Variants in SENP5 observed in about 807,000 individuals in gnomAD.
The protein encoded by SENP5 is sentrin-specific protease 5.
SENP5 carries 21 observed loss-of-function variants against 74.2 expected under a neutral mutation model. That is an observed-to-expected ratio of 0.28 (90% confidence interval 0.20 to 0.41). The LOEUF (loss-of-function observed/expected upper bound fraction) is 0.41. SENP5 is among the 10% of genes least tolerant of loss of function. The pLI, the probability that SENP5 is intolerant of heterozygous loss-of-function variation, is 1.00. For missense variants in SENP5, 717 were observed against 889.1 expected, an observed-to-expected ratio of 0.81 and a Z score of 2.46; for synonymous variants, 311 against 312.7, an observed-to-expected ratio of 0.99 and a Z score of 0.06.
intron 7 of SENP5, among the ~76,000 whole-genome samples, chr3:196,924,318 G>A (rs1322703098): frequency 6.6e-6 from 1 of 152,060 alleles, no homozygotes; most frequent in African/African-American, 2.4e-5. Flanking sequence ...CAACAGACTT[G>A]GAGAAAATAT....
At chr3:196,872,782 A>G (rs1713271868) in intron 1 of SENP5, among the ~76,000 whole-genome samples, 1 of 152,212 alleles carries the variant, frequency 6.6e-6, no homozygotes, top group Non-Finnish European at 1.5e-5. Flanking sequence ...ACATTTGCCC[A>G]GAGGCTACCG....
intron 5 of SENP5, among the ~76,000 whole-genome samples, chr3:196,901,531 A>C (rs552763039): frequency 6.6e-6 from 1 of 152,286 alleles, no homozygotes; most frequent in East Asian, 1.9e-4. Context: ...TATTTTTCTG[A>C]GTACACAAAT....
intron 5 of SENP5, among the ~76,000 whole-genome samples, 184 bp from the exon 6 acceptor site, chr3:196,903,349 A>T (rs1048642321): frequency 6.6e-6 from 1 of 152,230 alleles, no homozygotes; most frequent in African/African-American, 2.4e-5. Flanking sequence ...CATGTTGGCC[A>T]GGCTGGCCTC....
intron 2 of SENP5, among the ~76,000 whole-genome samples, chr3:196,888,525 AGT>A (rs1714070674): frequency 6.6e-6 from 1 of 151,972 alleles, no homozygotes; most frequent in Admixed American, 6.6e-5. Context: ...CGGAGGTTGC[AGT>A]GAGCTTAGGT....
intron 2 of SENP5, among the ~76,000 whole-genome samples, chr3:196,894,098 T>C (rs1052882028): frequency 6.6e-6 from 1 of 150,740 alleles, no homozygotes; most frequent in African/African-American, 2.4e-5. Flanking sequence ...CAACTCTTTT[T>C]TTCTAGATAT....
intron 6 of SENP5, among the ~76,000 whole-genome samples, chr3:196,919,493 T>C (rs1009305168): frequency 6.6e-6 from 1 of 151,608 alleles, no homozygotes; most frequent in African/African-American, 2.4e-5. Flanking sequence ...AACAAACAAA[T>C]GAACAAAGAA....
At chr3:196,911,520 G>A (rs1015978336) in intron 6 of SENP5, among the ~76,000 whole-genome samples, 1 of 150,692 alleles carries the variant, frequency 6.6e-6, no homozygotes, top group Admixed American at 6.6e-5. Context: ...TTGCGCCACT[G>A]CACTCCAGCC....
At chr3:196,900,203 A>T in intron 4 of SENP5, 141 bp downstream of exon 4, 1 of 1,235,104 alleles carries the variant, frequency 8.1e-7, no homozygotes, top group Non-Finnish European at 1.1e-6. Context: ...CAGGATCCAA[A>T]CGGTTTGATT....
intron 1 of SENP5, among the ~76,000 whole-genome samples, chr3:196,882,606 C>T (rs555210196): frequency 5.3e-5 from 8 of 152,230 alleles, no homozygotes; most frequent in Non-Finnish European, 1.0e-4. Context: ...CAGGTTCAGG[C>T]AATTCCTGTG....
At chr3:196,916,637 C>T (rs1036332628) in intron 6 of SENP5, among the ~76,000 whole-genome samples, 1 of 151,606 alleles carries the variant, frequency 6.6e-6, no homozygotes, top group Non-Finnish European at 1.5e-5. Flanking sequence ...AGGCAATTCT[C>T]CTGCCTCAGC....
In SENP5 at chr3:196,886,364, A is replaced by G; in HGVS notation, c.1183A>G (p.Met395Val). Residue 395 changes from methionine to valine, a missense_variant, in exon 2 of 10, where the codon ATG becomes GTG. By Grantham distance (21) the Met-to-Val change is conservative. Around this residue, in one of 4 missense-constraint regions of SENP5, gnomAD observed 567 missense variants for 577.4 expected, o/e 0.98. Transcript: ENST00000323460. ...MFISETEREI[M>V]TLGQENQTSS... ...CATTTCAGAAACTGAAAGAGAAATT[A>G]TGACTCTGGGTCAGGAAAATCAGAC... 6.2e-7 allele frequency: 1 copy of G among 1,613,352 alleles called. No homozygotes were observed. The highest frequency in any genetic ancestry group is 8.5e-7 in the Non-Finnish European group (1 of 1,179,680).
At chr3:196,920,651 A>C (rs1244426998) in intron 6 of SENP5, among the ~76,000 whole-genome samples, 1 of 152,226 alleles carries the variant, frequency 6.6e-6, no homozygotes, top group East Asian at 1.9e-4. Context: ...TGTCAGCTGT[A>C]GGCTTTCCTA....
rs1713978711 is a variant in SENP5, at chr3:196,886,431, G to C, written c.1250G>C (p.Gly417Ala). 6.2e-7 allele frequency: 1 copy of C among 1,611,116 alleles called. No homozygotes were observed. Among genetic ancestry groups the C allele is most frequent in the Non-Finnish European group, 8.5e-7 (1 of 1,178,032 alleles). The change falls in exon 2 of 10, where the codon GGA becomes GCA. Residue 417 changes from glycine (G) to alanine (A), a missense_variant. By Grantham distance (60) the Gly-to-Ala change is moderately conservative. Coordinates refer to ENST00000323460, the MANE Select transcript of SENP5 (RefSeq NM_152699.5). ...SDDRVKLSVS[G>A]ADTSVSSVDG... ...GACAGAGTAAAACTGTCAGTGTCTGGAGCAGATACATCTGTGAGTAGCGTA... is the reference window on the plus strand; with the variant it reads ...GACAGAGTAAAACTGTCAGTGTCTGCAGCAGATACATCTGTGAGTAGCGTA...
intron 2 of SENP5, among the ~76,000 whole-genome samples, chr3:196,889,980 A>G (rs1405817730): frequency 6.6e-6 from 1 of 152,248 alleles, no homozygotes; most frequent in Non-Finnish European, 1.5e-5. Flanking sequence ...TTCTAAGGAC[A>G]AGAGACAGGA....
intron 2 of SENP5, among the ~76,000 whole-genome samples, chr3:196,894,676 C>T (rs1385448045): frequency 3.3e-5 from 5 of 151,954 alleles, no homozygotes; most frequent in African/African-American, 1.2e-4. Context: ...TGGATTTGAT[C>T]TCTATTCCAT....
chr3:196,902,550 G>T (rs1315015070), intron 5 of SENP5, among the ~76,000 whole-genome samples: 1 of 152,190 alleles, frequency 6.6e-6, no homozygotes, highest in Non-Finnish European at 1.5e-5. Context: ...GCTTTAATAG[G>T]TCTGGGATGA....
In SENP5 at chr3:196,885,940, C is replaced by T. The variant is rs1713944975; in HGVS notation, c.759C>T (p.Thr253=). The T allele has an allele frequency of 6.2e-7, 1 of 1,614,024 alleles. No homozygotes were observed. The highest frequency in any genetic ancestry group is 1.3e-5 in the African/African-American group (1 of 74,926). Residue 253 remains threonine (T), a synonymous_variant, in exon 2 of 10, where the codon ACC becomes ACT. Transcript: ENST00000323460. Reference sequence around the variant, plus strand: ...TTCTCAGATCCCAGCACTTCAGAACCAAAAGCAAGGTTTGCAAGCTAAGAA... The same window carrying T: ...TTCTCAGATCCCAGCACTTCAGAACTAAAAGCAAGGTTTGCAAGCTAAGAA... ...YRILRSQHFR[T]KSKVCKLRKA...
chr3:196,883,698 T>TC, intron 1 of SENP5, among the ~76,000 whole-genome samples: 1 of 151,988 alleles, frequency 6.6e-6, no homozygotes, highest in South Asian at 2.1e-4. Context: ...CTGCTGCTTT[T>TC]TTTTTTGGAG....
intron 6 of SENP5, among the ~76,000 whole-genome samples, chr3:196,911,275 A>G (rs188999746): frequency 1.4e-4 from 22 of 152,294 alleles, no homozygotes; most frequent in African/African-American, 4.8e-4. Flanking sequence ...TGAACAGGCA[A>G]CCTATAGAAT....
Sources: allele counts gnomAD v4.1 joint callset (sites outside exome capture counted in the v4.1 genomes callset), GRCh38; gene constraint gnomAD v4.1.1; regional missense constraint gnomAD v4.1.1; transcripts MANE v1.5; gene names NCBI Gene and HGNC (gene_info 2026-07-23, HGNC 2026-07-21).